TNFSF8: variants seen among roughly 807,000 people sequenced by gnomAD.
TNFSF8 encodes the protein tumor necrosis factor ligand superfamily member 8.
In TNFSF8, 4 loss-of-function variants were observed where a neutral mutation model predicts 22.0. That is an observed-to-expected ratio of 0.18 (90% CI 0.09 to 0.42). The LOEUF (loss-of-function observed/expected upper bound fraction) is 0.42. Ranked by LOEUF, TNFSF8 falls within the 10% of genes least tolerant of loss-of-function variation. The pLI is 1.00. For missense variants in TNFSF8, 233 were observed against 281.8 expected (o/e 0.83, Z 1.24); for synonymous variants, 106 against 112.5 (o/e 0.94, Z 0.37).
At chr9:114,911,018 A>T (rs1827846422) in intron 2 of TNFSF8, among the ~76,000 whole-genome samples, 1 of 152,216 alleles carries the variant, frequency 6.6e-6, no homozygotes, top group Non-Finnish European at 1.5e-5. Context: ...GTGGATGTCA[A>T]GTGATCAGTG....
Position 114,901,843 on chromosome 9 carries a change from C to T in TNFSF8, c.*2088G>A. 2.1e-6 allele frequency: 2 copies of T among 947,026 alleles called. No individual in the cohort carries two copies. Among genetic ancestry groups the T allele is most frequent in the Non-Finnish European group, 2.5e-6 (2 of 795,030 alleles). 58.7% of individuals were successfully genotyped at this position (947,026 alleles called of 1,614,324 possible). On this transcript the variant is annotated 3_prime_UTR_variant, in exon 4 of 4. Coordinates refer to ENST00000223795, the MANE Select transcript of TNFSF8 (RefSeq NM_001244.4). ...GAGGTTGACACAGCACACTGCTCAG[C>T]AGATGACTTAAAATTTTCCCTTAGC...
intron 1 of TNFSF8, among the ~76,000 whole-genome samples, chr9:114,922,264 C>T (rs1475173728): frequency 6.6e-6 from 1 of 152,112 alleles, no homozygotes; most frequent in African/African-American, 2.4e-5. Context: ...ACACAAAATG[C>T]CCCCGTGGAC....
chr9:114,903,996 T>A lies in TNFSF8; in HGVS notation c.640A>T (p.Ile214Leu). ...ISVNVDTFQY[I>L]DTSTFPLENV... ...TCAAGAGGAAAGGTGCTTGTATCTA[T>A]GTACTGGAATGTATCCACATTGACT... Residue 214 changes from isoleucine to leucine, a missense_variant, in exon 4 of 4, where the codon ATA becomes TTA. Physicochemically the swap from Ile to Leu is conservative, Grantham distance 5. Coordinates refer to ENST00000223795, the MANE Select transcript of TNFSF8 (RefSeq NM_001244.4). 6.2e-7 allele frequency: 1 copy of A among 1,614,126 alleles called. No individual in the cohort carries two copies.
At chr9:114,910,014 C>A (rs1428455912) in intron 2 of TNFSF8, among the ~76,000 whole-genome samples, 1 of 152,164 alleles carries the variant, frequency 6.6e-6, no homozygotes, top group Non-Finnish European at 1.5e-5. Flanking sequence ...ACCAGGGCTC[C>A]TTACTCTTTC....
In TNFSF8 at chr9:114,904,100, G is replaced by A. The variant is rs1183109752; in HGVS notation, c.536C>T (p.Ser179Phe). ...KKQALVTVCE[S>F]GMQTKHVYQN... ...GTATACGTGTTTCGTTTGCATTCCA[G>A]ACTCACACACTGTCACCAGGGCCTG... Residue 179 changes from serine to phenylalanine, a missense_variant, in exon 4 of 4, where the codon TCT becomes TTT. By Grantham distance (155) the Ser-to-Phe change is radical. Coordinates refer to ENST00000223795, the MANE Select transcript of TNFSF8 (RefSeq NM_001244.4). The A allele has an allele frequency of 2.5e-6, 4 of 1,613,990 alleles. No homozygotes were observed. Among genetic ancestry groups the A allele is most frequent in the African/African-American group, 1.3e-5 (1 of 74,916 alleles).
chr9:114,902,392 G>A lies in TNFSF8; in HGVS notation c.*1539C>T. The A allele has an allele frequency of 1.0e-6, 1 of 985,452 alleles. No individual in the cohort carries two copies. The allele number at this position is 985,452 out of a possible 1,614,324, so 61.0% of individuals were successfully genotyped here. A position where few individuals can be genotyped will look rare whatever the true frequency, so the allele number is the denominator to read the frequency against. ...GATGACCACATCACTGTTGCACACT[G>A]ATTGTTTGCTAAAGGCACAATGCTT... On this transcript the variant is annotated 3_prime_UTR_variant, in exon 4 of 4. Transcript: ENST00000223795.
chr9:114,903,836 C>G lies in TNFSF8; in HGVS notation c.*95G>C. On this transcript the variant is annotated 3_prime_UTR_variant, in exon 4 of 4. Transcript: ENST00000223795. ...CTATTTAATACCCTGTGTAGTTTGT[C>G]TTGGTCTAAAGTTTTCTTTTTGCCC... 1 of 1,513,666 alleles carries G rather than the reference C, an allele frequency of 6.6e-7. No homozygotes were observed. Among genetic ancestry groups the G allele is most frequent in the Non-Finnish European group, 8.8e-7 (1 of 1,137,646 alleles). 93.8% of individuals were successfully genotyped at this position (1,513,666 alleles called of 1,614,324 possible). A position where few individuals can be genotyped will look rare whatever the true frequency, so the allele number is the denominator to read the frequency against.
intron 1 of TNFSF8, among the ~76,000 whole-genome samples, chr9:114,919,692 C>A (rs1249962911): frequency 6.6e-6 from 1 of 152,170 alleles, no homozygotes; most frequent in African/African-American, 2.4e-5. Flanking sequence ...CTAACCTCTA[C>A]CAAAGCAAGA....
At chr9:114,898,201 A>G (rs1039880048), downstream of TNFSF8, among the ~76,000 whole-genome samples, 4 of 151,948 alleles carry the variant, frequency 2.6e-5, no homozygotes, top group African/African-American at 9.7e-5. Context: ...ACAAGGTTTC[A>G]CTATGTTGGC....
Position 114,930,537 on chromosome 9 carries a change from G to A in TNFSF8, c.-234C>T, listed in dbSNP as rs1002123070. On this transcript the variant is annotated 5_prime_UTR_variant, in exon 1 of 4. Transcript: ENST00000223795. ...ATTGCCAGGGATTAAGTTGTGTGCA[G>A]AGAAACTAGCTACAGAGAAGGTGGC... 3 of 395,782 alleles carry A rather than the reference G, an allele frequency of 7.6e-6. No homozygotes were observed. Among genetic ancestry groups the A allele is most frequent in the African/African-American group, 4.2e-5 (2 of 48,072 alleles). 24.5% of individuals were successfully genotyped at this position (395,782 alleles called of 1,614,324 possible). A position where few individuals can be genotyped will look rare whatever the true frequency, so the allele number is the denominator to read the frequency against.
At chr9:114,896,868 G>A (rs562141058), downstream of TNFSF8, among the ~76,000 whole-genome samples, 39 of 152,006 alleles carry the variant, frequency 2.6e-4, no homozygotes, top group African/African-American at 8.4e-4. Context: ...TCTCTAATAG[G>A]CATTCTTATC....
intron 2 of TNFSF8, among the ~76,000 whole-genome samples, chr9:114,915,154 T>C (rs769160738): frequency 1.3e-5 from 2 of 152,182 alleles, no homozygotes; most frequent in Non-Finnish European, 2.9e-5. Context: ...TGTCTTGCAA[T>C]GGCTTTTTTC....
chr9:114,904,915 G>T (rs1203593882), intron 3 of TNFSF8, among the ~76,000 whole-genome samples: 1 of 152,134 alleles, frequency 6.6e-6, no homozygotes, highest in African/African-American at 2.4e-5. Flanking sequence ...CTGAATTTTT[G>T]AATGCCTTTT....
In TNFSF8 at chr9:114,901,754, C is replaced by T; in HGVS notation, c.*2177G>A. 12 of 985,266 alleles carry T rather than the reference C, an allele frequency of 1.2e-5. No homozygotes were observed. Among genetic ancestry groups the T allele is most frequent in the Non-Finnish European group, 1.3e-5 (11 of 829,828 alleles). 61.0% of individuals were successfully genotyped at this position (985,266 alleles called of 1,614,324 possible). On this transcript the variant is annotated 3_prime_UTR_variant, in exon 4 of 4. Transcript: ENST00000223795. ...ATGCCTGCTTCTCCCAAAGAATCTA[C>T]TCACAGAAAGAGTTAAAGAGAAATG...
intron 1 of TNFSF8, among the ~76,000 whole-genome samples, chr9:114,928,984 G>A (rs1828099881): frequency 6.6e-6 from 1 of 152,204 alleles, no homozygotes. Context: ...ACCACGAAAA[G>A]TAGGCACTAT....
chr9:114,906,479 G>T (rs1375259309), intron 2 of TNFSF8, among the ~76,000 whole-genome samples: 1 of 152,188 alleles, frequency 6.6e-6, no homozygotes, highest in Non-Finnish European at 1.5e-5. Flanking sequence ...GATGCCTAGA[G>T]GTGGTCAATA....
intron 2 of TNFSF8, among the ~76,000 whole-genome samples, chr9:114,911,874 T>A (rs1356106317): frequency 6.6e-6 from 1 of 152,186 alleles, no homozygotes; most frequent in African/African-American, 2.4e-5. Context: ...CAGGTTGAAT[T>A]GACATTACTG....
intron 2 of TNFSF8, among the ~76,000 whole-genome samples, chr9:114,906,704 T>C (rs1430908781): frequency 6.6e-6 from 1 of 152,226 alleles, no homozygotes; most frequent in Non-Finnish European, 1.5e-5. Flanking sequence ...ATTATGTTAT[T>C]ATGGTATTTA....
Position 114,903,767 on chromosome 9 carries a change from A to T in TNFSF8, c.*164T>A. 7.2e-7 allele frequency: 1 copy of T among 1,388,270 alleles called. No homozygotes were observed. Among genetic ancestry groups the T allele is most frequent in the Non-Finnish European group, 9.3e-7 (1 of 1,076,990 alleles). The allele number at this position is 1,388,270 out of a possible 1,614,324, so 86.0% of individuals were successfully genotyped here. A position where few individuals can be genotyped will look rare whatever the true frequency, so the allele number is the denominator to read the frequency against. On this transcript the variant is annotated 3_prime_UTR_variant, in exon 4 of 4. Coordinates refer to ENST00000223795, the MANE Select transcript of TNFSF8 (RefSeq NM_001244.4). ...ATACTTCACTAAAAACTCTCTTTTT[A>T]ACCCTGGAGCTGTATCTTTCCAAGA...
Sources: allele counts gnomAD v4.1 joint callset (sites outside exome capture counted in the v4.1 genomes callset), GRCh38; gene constraint gnomAD v4.1.1; transcripts MANE v1.5; gene names NCBI Gene and HGNC (gene_info 2026-07-23, HGNC 2026-07-21).